The following PTPRM variants were observed in gnomAD, a reference collection of about 807,000 sequenced individuals.
PTPRM encodes protein tyrosine phosphatase receptor type M.
A neutral mutation model predicts 186.7 loss-of-function variants in PTPRM; 47 were observed. The ratio of observed to expected loss-of-function variants is 0.25; its 90% CI spans 0.20 to 0.32. The LOEUF is 0.32. Ranked by LOEUF, PTPRM falls within the 10% of genes least tolerant of loss-of-function variation. The pLI, the probability that PTPRM is intolerant of heterozygous loss-of-function variation, is 1.00. For synonymous variants in PTPRM, 668 were observed against 674.9 expected (o/e 0.99, Z 0.16); for missense variants, 1,494 against 1,865.0 (o/e 0.80, Z 3.66).
chr18:7,894,418 C>G (rs1364693517), intron 3 of PTPRM, among the ~76,000 whole-genome samples: 1 of 151,920 alleles, frequency 6.6e-6, no homozygotes, highest in Non-Finnish European at 1.5e-5. Flanking sequence ...AACCCCGTCT[C>G]TACTAAAAAA....
chr18:8,152,834 C>G (rs1441554255), intron 14 of PTPRM, among the ~76,000 whole-genome samples: 2 of 150,636 alleles, frequency 1.3e-5, no homozygotes, highest in East Asian at 4.0e-4. Flanking sequence ...TCTTCTGCCT[C>G]AGCCTCCCAA....
intron 7 of PTPRM, among the ~76,000 whole-genome samples, chr18:8,035,796 T>C (rs1371252294): frequency 6.6e-6 from 1 of 152,224 alleles, no homozygotes; most frequent in African/African-American, 2.4e-5. Flanking sequence ...CATGGATATA[T>C]GCAAATTCAT....
intron 19 of PTPRM, 59 bp downstream of exon 19, chr18:8,253,473 C>T (rs1244277411): frequency 7.5e-7 from 1 of 1,338,250 alleles, no homozygotes; most frequent in Non-Finnish European, 9.7e-7. Context: ...ATGCCAGGTA[C>T]TGTGCTCCCA....
intron 14 of PTPRM, among the ~76,000 whole-genome samples, chr18:8,206,682 T>G (rs999730091): frequency 1.3e-5 from 2 of 152,120 alleles, no homozygotes; most frequent in African/African-American, 4.8e-5. Flanking sequence ...GATCAATATA[T>G]GTATTAAAGG....
intron 1 of PTPRM, among the ~76,000 whole-genome samples, chr18:7,664,129 C>A (rs1394826961): frequency 6.6e-6 from 1 of 152,226 alleles, no homozygotes; most frequent in African/African-American, 2.4e-5. Flanking sequence ...GATGGGACAG[C>A]CGCAACATCC....
At chr18:8,257,056 G>T (rs1184790184) in intron 19 of PTPRM, among the ~76,000 whole-genome samples, 2 of 152,176 alleles carry the variant, frequency 1.3e-5, no homozygotes. Context: ...AGGCAGCCAG[G>T]TAATGACTGT....
chr18:7,854,009 G>A (rs1410899802), intron 2 of PTPRM, among the ~76,000 whole-genome samples: 2 of 152,168 alleles, frequency 1.3e-5, no homozygotes, highest in Non-Finnish European at 1.5e-5. Flanking sequence ...CTGCTGAATT[G>A]AGAGTTGCAG....
intron 14 of PTPRM, among the ~76,000 whole-genome samples, chr18:8,238,160 G>A (rs7504710): frequency 6.6e-6 from 1 of 152,044 alleles, no homozygotes; most frequent in Admixed American, 6.5e-5. Context: ...ATTAGTTTTA[G>A]GAAATAGTTA....
At chr18:8,117,393 A>C (rs1165722012) in intron 13 of PTPRM, among the ~76,000 whole-genome samples, 2 of 152,240 alleles carry the variant, frequency 1.3e-5, no homozygotes, top group Non-Finnish European at 2.9e-5. Flanking sequence ...TCCTGAAACA[A>C]CTGTTGACAA....
intron 22 of PTPRM, among the ~76,000 whole-genome samples, chr18:8,319,827 G>T (rs1890661930): frequency 6.6e-6 from 1 of 152,218 alleles, no homozygotes; most frequent in Non-Finnish European, 1.5e-5. Flanking sequence ...TGTGGAAGCA[G>T]AAAGTTAGTT....
intron 3 of PTPRM, among the ~76,000 whole-genome samples, chr18:7,894,618 T>A (rs1465814872): frequency 1.3e-5 from 2 of 151,656 alleles, no homozygotes; most frequent in African/African-American, 4.8e-5. Flanking sequence ...TATTTTTTAA[T>A]ATTTTTTTTC....
At chr18:8,108,616 T>G (rs1274152363) in intron 11 of PTPRM, among the ~76,000 whole-genome samples, 1 of 152,210 alleles carries the variant, frequency 6.6e-6, no homozygotes, top group African/African-American at 2.4e-5. Context: ...AAAAAGTAGA[T>G]GAAAGATGTT....
chr18:7,712,552 G>A (rs2040235304), intron 1 of PTPRM, among the ~76,000 whole-genome samples: 1 of 151,846 alleles, frequency 6.6e-6, no homozygotes, highest in Admixed American at 6.6e-5. Flanking sequence ...TTCAAAAGGT[G>A]GGTAATAACA....
At chr18:8,372,884 T>C (rs953343206) in intron 24 of PTPRM, among the ~76,000 whole-genome samples, 4 of 152,166 alleles carry the variant, frequency 2.6e-5, no homozygotes, top group Non-Finnish European at 5.9e-5. Context: ...AATAGTCAGC[T>C]CTCTAATAAG....
At chr18:7,713,757 C>T (rs2040262657) in intron 1 of PTPRM, among the ~76,000 whole-genome samples, 1 of 149,288 alleles carries the variant, frequency 6.7e-6, no homozygotes, top group African/African-American at 2.5e-5. Flanking sequence ...GACTTTAAAC[C>T]AACAAAGATC....
intron 13 of PTPRM, among the ~76,000 whole-genome samples, chr18:8,138,229 C>T (rs2092683393): frequency 6.6e-6 from 1 of 151,810 alleles, no homozygotes; most frequent in African/African-American, 2.4e-5. Flanking sequence ...CTCCTCTTCC[C>T]CTTCTTCATC....
At chr18:8,357,969 T>C (rs1024415502) in intron 23 of PTPRM, among the ~76,000 whole-genome samples, 1 of 152,220 alleles carries the variant, frequency 6.6e-6, no homozygotes. Flanking sequence ...TTTTAAATAC[T>C]AAGTTCTGCA....
At chr18:8,353,968 T>C (rs975544813) in intron 23 of PTPRM, among the ~76,000 whole-genome samples, 1 of 152,108 alleles carries the variant, frequency 6.6e-6, no homozygotes, top group African/African-American at 2.4e-5. Flanking sequence ...TCCCAGCACT[T>C]TGGGAGGCCG....
At chr18:8,305,053 ACT>A (rs764259811) in intron 20 of PTPRM, among the ~76,000 whole-genome samples, 4 of 151,868 alleles carry the variant, frequency 2.6e-5, no homozygotes, top group Non-Finnish European at 4.4e-5. Context: ...ATGTAAATAG[ACT>A]CTTATTAGAC....
Sources: allele counts gnomAD v4.1 joint callset (sites outside exome capture counted in the v4.1 genomes callset), GRCh38; gene constraint gnomAD v4.1.1; transcripts MANE v1.5; gene names NCBI Gene and HGNC (gene_info 2026-07-23, HGNC 2026-07-21).